EBAG9: variants seen among roughly 807,000 people sequenced by gnomAD.
EBAG9 encodes receptor-binding cancer antigen expressed on SiSo cells.
A neutral mutation model predicts 30.9 loss-of-function variants in EBAG9; 16 were observed. That is an observed-to-expected ratio of 0.52 (90% confidence interval 0.35 to 0.79). EBAG9 has a LOEUF of 0.79. EBAG9 is among the 30% of genes least tolerant of loss of function. The pLI is 0.01. For synonymous variants in EBAG9, 93 were observed against 82.8 expected, an observed-to-expected ratio of 1.12 and a Z score of -0.67; for missense variants, 197 against 242.1, an observed-to-expected ratio of 0.81 and a Z score of 1.24.
chr8:109,545,321 CAAAAA>C (rs540899914), intron 1 of EBAG9, among the ~76,000 whole-genome samples: 1 of 37,794 alleles, frequency 2.6e-5, no homozygotes, highest in Non-Finnish European at 5.3e-5. Flanking sequence ...GACTGTGTCT[CAAAAA>C]AAAAAAAAAA....
chr8:109,550,343 G>A (rs1386140168), intron 1 of EBAG9: 1 of 153,094 alleles, frequency 6.5e-6, no homozygotes, highest in Non-Finnish European at 1.5e-5. Context: ...TACTAGCTAT[G>A]TGACTTTGGT....
In EBAG9 at chr8:109,564,621, T is replaced by C; in HGVS notation, c.*62T>C. On this transcript the variant is annotated 3_prime_UTR_variant, in exon 7 of 7. Coordinates refer to ENST00000337573, the MANE Select transcript of EBAG9 (RefSeq NM_004215.5). ...CTCAGCTCCACAACCCAAGCAACAT[T>C]TGTATGGATTTAAGAGTATTTTAAG... is the stretch of plus-strand genomic sequence containing the variant. The C allele has an allele frequency of 6.3e-7, 1 of 1,596,168 alleles. No homozygotes were observed. The highest frequency in any genetic ancestry group is 8.5e-7 in the Non-Finnish European group (1 of 1,170,476).
intron 5 of EBAG9, chr8:109,557,711 A>G: frequency 2.2e-6 from 1 of 455,916 alleles, no homozygotes. Flanking sequence ...TCTAACTCAG[A>G]ATTTCTCATG....
intron 1 of EBAG9, 107 bp from the exon 2 acceptor site, chr8:109,550,703 T>TA: frequency 3.0e-6 from 2 of 667,134 alleles, no homozygotes; most frequent in Non-Finnish European, 5.3e-6. Context: ...TAGAGAAAGG[T>TA]AAAAAATATC....
chr8:109,562,406 T>A (rs866188677), intron 6 of EBAG9, among the ~76,000 whole-genome samples: 1 of 152,102 alleles, frequency 6.6e-6, no homozygotes, highest in Non-Finnish European at 1.5e-5. Flanking sequence ...GTAATAGACA[T>A]GCTTCATGCC....
At chr8:109,547,061 C>G (rs1399063142) in intron 1 of EBAG9, among the ~76,000 whole-genome samples, 1 of 151,900 alleles carries the variant, frequency 6.6e-6, no homozygotes, top group African/African-American at 2.4e-5. Flanking sequence ...GAGTCCTGCT[C>G]TGTCACCAGG....
chr8:109,563,563 A>G, intron 6 of EBAG9: 1 of 1,562,744 alleles, frequency 6.4e-7, no homozygotes, highest in South Asian at 1.2e-5. Flanking sequence ...TATGATTAGT[A>G]AATACCTACC....
rs191326324 is a variant in EBAG9 at position 109,565,950 on chromosome 8, T to C, written c.*1391T>C. On this transcript the variant is annotated 3_prime_UTR_variant, in exon 7 of 7. Transcript: ENST00000337573. ...TAGCCCCAAATTATATTTCCAGTTA[T>C]TATATTCATTAGAATTTCTGCTAAT... The C allele has an allele frequency of 9.2e-5, 14 of 152,256 alleles. No homozygotes were observed. The highest frequency in any genetic ancestry group is 3.4e-4 in the African/African-American group (14 of 41,578). The allele number at this position is 152,256 out of a possible 1,614,324, so 9.4% of individuals were successfully genotyped here. A position where few individuals can be genotyped will look rare whatever the true frequency, so the allele number is the denominator to read the frequency against.
intron 1 of EBAG9, among the ~76,000 whole-genome samples, chr8:109,544,789 A>G (rs1821350088): frequency 6.6e-6 from 1 of 152,208 alleles, no homozygotes; most frequent in Non-Finnish European, 1.5e-5. Flanking sequence ...CTAATGGATT[A>G]ACAGATTTTT....
At chr8:109,557,719 A>G (rs1388930529) in intron 5 of EBAG9, 1 of 455,898 alleles carries the variant, frequency 2.2e-6, no homozygotes, top group Non-Finnish European at 4.4e-6. Context: ...AGAATTTCTC[A>G]TGAGTTTGCA....
rs190485394 is a variant in EBAG9 at position 109,554,623 on chromosome 8, G to C, written c.163-106G>C. 5.2e-4 allele frequency: 602 copies of C among 1,157,568 alleles called. 1 individual carries two copies. Among genetic ancestry groups the C allele is most frequent in the Non-Finnish European group, 6.9e-4 (566 of 824,974 alleles). 71.7% of individuals were successfully genotyped at this position (1,157,568 alleles called of 1,614,324 possible). A position where few individuals can be genotyped will look rare whatever the true frequency, so the allele number is the denominator to read the frequency against. On this transcript the variant is annotated intron_variant, in intron 3 of 6. Coordinates refer to ENST00000337573, the MANE Select transcript of EBAG9 (RefSeq NM_004215.5). ...GTATGTTTTCCCGTGGGTTAAAAAA[G>C]TTTGAAAACCAGTGTTTTAGAAAGC...
chr8:109,555,037 GGTTA>G, intron 4 of EBAG9, 150 bp downstream of exon 4: 1 of 771,510 alleles, frequency 1.3e-6, no homozygotes, highest in East Asian at 2.8e-5. Flanking sequence ...ACAACATGCA[GGTTA>G]GTTACATATG....
chr8:109,562,447 G>T (rs1036626860), intron 6 of EBAG9, among the ~76,000 whole-genome samples: 61 of 152,144 alleles, frequency 4.0e-4, no homozygotes, highest in Admixed American at 3.8e-3. Flanking sequence ...AAAGAGAAAT[G>T]GAGGTGTCAG....
At chr8:109,558,145 T>G (rs1337653212) in intron 5 of EBAG9, among the ~76,000 whole-genome samples, 1 of 152,218 alleles carries the variant, frequency 6.6e-6, no homozygotes, top group African/African-American at 2.4e-5. Context: ...TGTATTTTAT[T>G]TGTTTGTTTA....
chr8:109,564,399 GT>G (rs973695623), intron 6 of EBAG9, 39 bp from the exon 7 acceptor site: 2 of 1,603,092 alleles, frequency 1.2e-6, no homozygotes, highest in African/African-American at 2.7e-5. Context: ...CATTTTACCT[GT>G]TTGGTATTTT....
intron 4 of EBAG9, among the ~76,000 whole-genome samples, chr8:109,555,127 TC>T (rs1215647461): frequency 6.6e-6 from 1 of 151,904 alleles, no homozygotes; most frequent in African/African-American, 2.4e-5. Flanking sequence ...ATGCTATCCC[TC>T]CCCTCTCCCC....
Position 109,564,448 on chromosome 8 carries a change from A to G in EBAG9, c.531A>G (p.Lys177=). Residue 177 remains lysine (K), a synonymous_variant, in exon 7 of 7, where the codon AAA becomes AAG. Coordinates refer to ENST00000337573, the MANE Select transcript of EBAG9 (RefSeq NM_004215.5). ...GTATGTTTCTTTTCAGACAGCAGAA[A>G]CTAGCAGACAGAGAAAAGAGAGCAG... The part of the protein sequence containing the change: ...WQAEEVLRQQ[K]LADREKRAAE... The G allele has an allele frequency of 6.2e-7, 1 of 1,612,228 alleles. No homozygotes were observed. Among genetic ancestry groups the G allele is most frequent in the Non-Finnish European group, 8.5e-7 (1 of 1,178,816 alleles).
chr8:109,561,010 A>G (rs1446112082), intron 6 of EBAG9, 81 bp downstream of exon 6: 12 of 1,178,540 alleles, frequency 1.0e-5, no homozygotes, highest in African/African-American at 1.6e-5. Context: ...AAGGGAGCCT[A>G]TTTTGCCAAA....
chr8:109,540,352 T>G lies in EBAG9; in HGVS notation c.-125T>G, dbSNP rs1175064679. The G allele has an allele frequency of 6.6e-6, 1 of 152,210 alleles. No homozygotes were observed. Among genetic ancestry groups the G allele is most frequent in the Non-Finnish European group, 1.5e-5 (1 of 68,038 alleles). 9.4% of individuals were successfully genotyped at this position (152,210 alleles called of 1,614,324 possible). A position where few individuals can be genotyped will look rare whatever the true frequency, so the allele number is the denominator to read the frequency against. ...GATTTTTCCACAATTTAAATCTCAGTTCACCTGGTATCCAGCTCCAGCAAC... is the reference window on the plus strand; with the variant it reads ...GATTTTTCCACAATTTAAATCTCAGGTCACCTGGTATCCAGCTCCAGCAAC... On this transcript the variant is annotated 5_prime_UTR_variant, in exon 1 of 7. Transcript: ENST00000337573.
Sources: allele counts gnomAD v4.1 joint callset (sites outside exome capture counted in the v4.1 genomes callset), GRCh38; gene constraint gnomAD v4.1.1; transcripts MANE v1.5; gene names NCBI Gene and HGNC (gene_info 2026-07-23, HGNC 2026-07-21).